APP: variants seen among roughly 807,000 people sequenced by gnomAD.
APP encodes the protein amyloid-beta precursor protein.
In APP, 31 loss-of-function variants were observed where a neutral mutation model predicts 101.4. The observed-to-expected ratio is 0.31, with a 90% CI of 0.23 to 0.41. APP has a LOEUF of 0.41. Among genes scored for constraint, APP ranks in the 10% least tolerant of loss-of-function variants. The pLI is 1.00. For missense variants in APP, 839 were observed against 1,003.7 expected (o/e 0.84, Z 2.22); for synonymous variants, 366 against 364.4 (o/e 1.00, Z -0.05).
At chr21:26,131,905 A>ATT (rs200108798) in intron 1 of APP, among the ~76,000 whole-genome samples, 10,486 of 147,664 alleles carry the variant, frequency 0.071, 442 homozygotes, top group Middle Eastern at 0.11. Flanking sequence ...TTGAATTAAG[A>ATT]TTTTTTTTTT....
chr21:26,147,244 C>A (rs574669282), intron 1 of APP, among the ~76,000 whole-genome samples: 1 of 152,204 alleles, frequency 6.6e-6, no homozygotes, highest in African/African-American at 2.4e-5. Context: ...AGAGAGCCTG[C>A]TTTTCTCTTT....
At chr21:26,170,374 C>G (rs2063719043) in intron 1 of APP, among the ~76,000 whole-genome samples, 190 bp downstream of exon 1, 1 of 152,138 alleles carries the variant, frequency 6.6e-6, no homozygotes, top group South Asian at 2.1e-4. Context: ...CGGGCCGGAG[C>G]GCGACTCCCT....
At chr21:26,094,114 CAAAAAAAAA>C in intron 2 of APP, among the ~76,000 whole-genome samples, 1 of 73,190 alleles carries the variant, frequency 1.4e-5, no homozygotes, top group South Asian at 4.3e-4. Context: ...GACTCGGTCT[CAAAAAAAAA>C]AAAAAAAAAA....
intron 2 of APP, among the ~76,000 whole-genome samples, chr21:26,108,853 C>T (rs753608418): frequency 6.6e-6 from 1 of 151,652 alleles, no homozygotes; most frequent in Non-Finnish European, 1.5e-5. Context: ...CACTGCACTG[C>T]AGCCTGGGCC....
At chr21:25,933,503 C>T (rs560268861) in intron 13 of APP, among the ~76,000 whole-genome samples, 3 of 152,172 alleles carry the variant, frequency 2.0e-5, no homozygotes, top group Admixed American at 6.5e-5. Flanking sequence ...TAATTAAATA[C>T]TAGGTCTTGC....
chr21:26,145,017 A>G (rs1856207404), intron 1 of APP, among the ~76,000 whole-genome samples: 1 of 152,254 alleles, frequency 6.6e-6, no homozygotes, highest in African/African-American at 2.4e-5. Context: ...TTATAAAAGT[A>G]ATGTTCCTCT....
At chr21:26,170,464 A>G in intron 1 of APP, 100 bp downstream of exon 1, 3 of 1,288,126 alleles carry the variant, frequency 2.3e-6, no homozygotes, top group Non-Finnish European at 3.2e-6. Flanking sequence ...CCATTGACGG[A>G]CCCCCGGCTT....
intron 2 of APP, among the ~76,000 whole-genome samples, chr21:26,107,670 G>A (rs189611508): frequency 6.6e-6 from 1 of 152,280 alleles, no homozygotes; most frequent in East Asian, 1.9e-4. Flanking sequence ...CTTCTCCACA[G>A]GTGTCACTGA....
chr21:26,006,056 ATTTTGAAATCAT>A (rs932300145), intron 6 of APP, among the ~76,000 whole-genome samples: 18 of 152,332 alleles, frequency 1.2e-4, no homozygotes, highest in African/African-American at 3.8e-4. Flanking sequence ...GAAAACTAAC[ATTTTGAAATCAT>A]TTTTGAAATC....
intron 1 of APP, among the ~76,000 whole-genome samples, chr21:26,138,969 A>G (rs1158611296): frequency 6.6e-6 from 1 of 152,130 alleles, no homozygotes; most frequent in African/African-American, 2.4e-5. Flanking sequence ...AGTTTTATGT[A>G]GACTGGCGGG....
At chr21:26,047,112 G>C (rs2045643393) in intron 5 of APP, among the ~76,000 whole-genome samples, 1 of 152,104 alleles carries the variant, frequency 6.6e-6, no homozygotes, top group Non-Finnish European at 1.5e-5. Context: ...AACACTACCT[G>C]TTTTGCCTAT....
At chr21:25,931,645 G>A (rs2040154110) in intron 13 of APP, among the ~76,000 whole-genome samples, 1 of 152,208 alleles carries the variant, frequency 6.6e-6, no homozygotes. Context: ...AGATATTTCA[G>A]GAACTGGCCC....
intron 11 of APP, among the ~76,000 whole-genome samples, chr21:25,959,821 C>T (rs537560723): frequency 6.6e-4 from 100 of 152,310 alleles, no homozygotes; most frequent in African/African-American, 2.2e-3. Flanking sequence ...GTTTCTAGTG[C>T]TAAATTCATC....
Position 25,997,174 on chromosome 21 carries a change from C to G in APP, c.1090+186G>C. The G allele has an allele frequency of 6.4e-6, 4 of 626,164 alleles. No homozygotes were observed. The South Asian group carries it at 7.9e-5, about 12-fold the overall frequency. 38.8% of individuals were successfully genotyped at this position (626,164 alleles called of 1,614,324 possible). On this transcript the variant is annotated intron_variant, in intron 8 of 17. Coordinates refer to ENST00000346798, the MANE Select transcript of APP (RefSeq NM_000484.4). ...AAACTTAGTCAATGATGTTCTTAGC[C>G]CAACATCTCAAGCTGTCTGGCAAAA...
chr21:26,009,544 AG>A (rs1210313688), intron 6 of APP: 1 of 151,950 alleles, frequency 6.6e-6, no homozygotes. Context: ...TAATGAAGAA[AG>A]CCAAGATCAA....
At chr21:26,097,950 G>A (rs1209360732) in intron 2 of APP, among the ~76,000 whole-genome samples, 1 of 151,734 alleles carries the variant, frequency 6.6e-6, no homozygotes, top group African/African-American at 2.4e-5. Flanking sequence ...CATGGTGGCA[G>A]GCGCCTGTAG....
At chr21:26,064,736 G>T (rs976004848) in intron 3 of APP, among the ~76,000 whole-genome samples, 5 of 152,104 alleles carry the variant, frequency 3.3e-5, no homozygotes, top group Non-Finnish European at 7.4e-5. Context: ...CTCAATCCCC[G>T]GCGAGGCCCA....
intron 5 of APP, among the ~76,000 whole-genome samples, chr21:26,034,547 C>T (rs2045002752): frequency 6.8e-6 from 1 of 147,658 alleles, no homozygotes; most frequent in African/African-American, 2.5e-5. Context: ...GAGGCTGAGG[C>T]AGGAGAATGG....
intron 1 of APP, among the ~76,000 whole-genome samples, chr21:26,145,685 T>C (rs181799421): frequency 1.9e-4 from 29 of 152,318 alleles, no homozygotes; most frequent in Admixed American, 4.6e-4. Context: ...TTCTCCTCCA[T>C]TCCAATGTTC....
Sources: gnomAD v4.1 joint callset for allele counts (sites outside exome capture counted in the v4.1 genomes callset) on GRCh38, gnomAD v4.1.1 for gene constraint, MANE v1.5 for transcripts, NCBI Gene and HGNC (gene_info 2026-07-23, HGNC 2026-07-21) for gene names.